Variants in ZNF521 observed in about 807,000 individuals in gnomAD.
The protein encoded by ZNF521 is zinc finger protein 521, also known as LYST-interacting protein 3.
A neutral mutation model predicts 105.5 loss-of-function variants in ZNF521; 14 were observed. That is an observed-to-expected ratio of 0.13 (90% CI 0.09 to 0.21). ZNF521 has a LOEUF of 0.21. Among genes scored for constraint, ZNF521 ranks in the 10% least tolerant of loss-of-function variants. The pLI is 1.00. For missense variants in ZNF521, 1,233 were observed against 1,629.7 expected (o/e 0.76, Z 4.19); for synonymous variants, 635 against 606.0 (o/e 1.05, Z -0.70).
chr18:25,234,517 A>AACT lies in ZNF521; in HGVS notation c.221-6823_221-6821dup. Among the ~76,000 whole-genome samples the AACT allele has an allele frequency of 2.6e-5, 4 of 152,314 alleles. 1 individual carries two copies. The East Asian group carries it at 5.8e-4, about 22-fold the overall frequency. ...CTAATATTGGCTTGTGAACTTTAGA[A>AACT]ACTACTTTTTTTTTGAAGTTTTGAT... is the stretch of plus-strand genomic sequence containing the variant. On this transcript the variant is annotated intron_variant, in intron 3 of 7. Transcript: ENST00000361524.
chr18:25,226,070 A>G lies in ZNF521; in HGVS notation c.1848T>C (p.Ser616=), dbSNP rs200759979. ...PLSPVAIEQT[S]LKMMQAVGGA... Reference sequence around the variant, plus strand: ...CTCCTACTGCCTGCATCATCTTAAGAGATGTCTGCTCTATGGCCACAGGAG... The same window carrying G: ...CTCCTACTGCCTGCATCATCTTAAGGGATGTCTGCTCTATGGCCACAGGAG... The change falls in exon 4 of 8, where the codon TCT becomes TCC. Residue 616 remains serine (S), a synonymous_variant. Transcript: ENST00000361524. The surrounding 1 kb of genome is among the most constrained non-coding windows in gnomAD (Gnocchi z 4.1). The G allele has an allele frequency of 1.2e-6, 2 of 1,614,102 alleles. No homozygotes were observed. Among genetic ancestry groups the G allele is most frequent in the Non-Finnish European group, 1.7e-6 (2 of 1,180,038 alleles).
chr18:25,229,884 T>A (rs987688578), intron 3 of ZNF521, among the ~76,000 whole-genome samples: 1 of 152,240 alleles, frequency 6.6e-6, no homozygotes, highest in Non-Finnish European at 1.5e-5. Flanking sequence ...AGTGAATTTA[T>A]AATTAAATTG....
chr18:25,207,634 T>C (rs2036106381), intron 4 of ZNF521, among the ~76,000 whole-genome samples: 1 of 152,192 alleles, frequency 6.6e-6, no homozygotes, highest in African/African-American at 2.4e-5. Context: ...GTGCATGAAC[T>C]ACACAGAAGT....
At chr18:25,075,598 G>A (rs919514889) in intron 7 of ZNF521, among the ~76,000 whole-genome samples, 1 of 152,182 alleles carries the variant, frequency 6.6e-6, no homozygotes, top group Non-Finnish European at 1.5e-5. Flanking sequence ...GGCCTGCAGA[G>A]GAGATTGATT....
At chr18:25,326,295 A>G (rs995836963) in intron 2 of ZNF521, among the ~76,000 whole-genome samples, 1 of 152,180 alleles carries the variant, frequency 6.6e-6, no homozygotes, top group Non-Finnish European at 1.5e-5. Context: ...AAACAGCCCA[A>G]TTTCCAATCC....
intron 3 of ZNF521, among the ~76,000 whole-genome samples, chr18:25,275,762 C>T (rs1909990220): frequency 6.6e-6 from 1 of 152,148 alleles, no homozygotes; most frequent in South Asian, 2.1e-4. Context: ...CTAGACTGAC[C>T]AGGATTGCCT....
chr18:25,146,529 A>C lies in ZNF521; in HGVS notation c.3658+48631T>G, dbSNP rs147395739. Among the ~76,000 whole-genome samples, 812 of 152,280 alleles carry C rather than the reference A, an allele frequency of 5.3e-3. 1 individual carries two copies. The highest frequency in any genetic ancestry group is 0.019 in the African/African-American group (770 of 41,556). On this transcript the variant is annotated intron_variant, in intron 5 of 7. Transcript: ENST00000361524. ...AAATGAGCATCTTTTATGCCATGAC[A>C]TTGGTTTCTCTGAAAAAAGGCTACT...
intron 4 of ZNF521, among the ~76,000 whole-genome samples, chr18:25,222,520 T>C (rs1905796430): frequency 6.6e-6 from 1 of 152,196 alleles, no homozygotes; most frequent in Non-Finnish European, 1.5e-5. Flanking sequence ...AGAGTCCAGC[T>C]ATGCCTCATT....
chr18:25,124,793 T>A (rs1331997232), intron 5 of ZNF521, among the ~76,000 whole-genome samples: 2 of 152,130 alleles, frequency 1.3e-5, no homozygotes, highest in Non-Finnish European at 2.9e-5. Context: ...TCAAATACAC[T>A]CCTCTAACAG....
At chr18:25,210,791 C>G (rs1333049152) in intron 4 of ZNF521, among the ~76,000 whole-genome samples, 1 of 152,220 alleles carries the variant, frequency 6.6e-6, no homozygotes, top group Non-Finnish European at 1.5e-5. Flanking sequence ...CTCCAGCTCT[C>G]TGACCTTCTC....
chr18:25,169,047 A>G (rs2144552257), intron 5 of ZNF521, among the ~76,000 whole-genome samples: 1 of 152,100 alleles, frequency 6.6e-6, no homozygotes, highest in South Asian at 2.1e-4. Context: ...TTCCTCCTAC[A>G]TTTTCCTGGC....
At chr18:25,115,374 T>G (rs2034281901) in intron 5 of ZNF521, among the ~76,000 whole-genome samples, 1 of 152,306 alleles carries the variant, frequency 6.6e-6, no homozygotes, top group South Asian at 2.1e-4. Context: ...TCTTAGCCAC[T>G]TAGTCCCCAT....
chr18:25,218,573 G>T (rs1905487545), intron 4 of ZNF521, among the ~76,000 whole-genome samples: 1 of 150,628 alleles, frequency 6.6e-6, no homozygotes, highest in Non-Finnish European at 1.5e-5. Flanking sequence ...CAGGAGGATT[G>T]CTCAGGAGGT....
chr18:25,224,524 T>G lies in ZNF521; in HGVS notation c.3394A>C (p.Lys1132Gln), dbSNP rs1459128689. 5 of 1,613,852 alleles carry G rather than the reference T, an allele frequency of 3.1e-6. No individual in the cohort carries two copies. The highest frequency in any genetic ancestry group is 2.2e-5 in the South Asian group (2 of 91,072). Residue 1132 changes from lysine to glutamine, a missense_variant, in exon 4 of 8, where the codon AAG (lysine) becomes CAG (glutamine). Around this residue, in one of 6 missense-constraint regions of ZNF521, gnomAD observed 614 missense variants for 751.5 expected, o/e 0.82. Transcript: ENST00000361524. Reference protein sequence around the residue: ...ENLSAIEGKGKVGGLKTRCSS... With the variant: ...ENLSAIEGKGQVGGLKTRCSS... ...CAGCGTGTCTTCAGTCCCCCCACCT[T>G]GCCTTTCCCCTCAATGGCACTCAGA...
chr18:25,300,505 C>T (rs1911577704), intron 3 of ZNF521, among the ~76,000 whole-genome samples: 1 of 152,126 alleles, frequency 6.6e-6, no homozygotes, highest in Non-Finnish European at 1.5e-5. Flanking sequence ...CTTATGTTGG[C>T]ATCTCTTTCC....
At chr18:25,329,899 C>T (rs1913458972) in intron 2 of ZNF521, among the ~76,000 whole-genome samples, 1 of 109,472 alleles carries the variant, frequency 9.1e-6, no homozygotes, top group Admixed American at 8.9e-5. Flanking sequence ...AAAACTAAGT[C>T]AACGGCAGAA....
At chr18:25,215,030 C>T (rs189513321) in intron 4 of ZNF521, among the ~76,000 whole-genome samples, 4 of 152,126 alleles carry the variant, frequency 2.6e-5, no homozygotes, top group Non-Finnish European at 4.4e-5. Flanking sequence ...AAAGGGCTAG[C>T]AGAAGCTTCA....
At chr18:25,307,177 A>C (rs912647465) in intron 3 of ZNF521, among the ~76,000 whole-genome samples, 1 of 152,160 alleles carries the variant, frequency 6.6e-6, no homozygotes, top group Non-Finnish European at 1.5e-5. Context: ...GTCTTCTCTT[A>C]CTAATACAAT....
intron 5 of ZNF521, among the ~76,000 whole-genome samples, chr18:25,186,763 T>C (rs988435931): frequency 7.9e-5 from 12 of 152,062 alleles, no homozygotes; most frequent in Admixed American, 2.6e-4. Context: ...AGCCAATTAA[T>C]AGAAGCCCAG....
Sources: gnomAD v4.1 joint callset for allele counts (sites outside exome capture counted in the v4.1 genomes callset) on GRCh38, gnomAD v4.1.1 for gene constraint, gnomAD v4.1.1 regional missense constraint, Gnocchi (gnomAD v3.1) non-coding constraint, MANE v1.5 for transcripts, NCBI Gene and HGNC (gene_info 2026-07-23, HGNC 2026-07-21) for gene names.